Variants in TLL2 observed in about 807,000 individuals in gnomAD.
TLL2 encodes the protein tolloid like 2.
Under a neutral mutation model 123.0 loss-of-function variants are expected in TLL2, and 106 were observed. That is an observed-to-expected ratio of 0.86 (90% CI 0.74 to 1.01). TLL2 has a LOEUF of 1.01. TLL2 is among the 50% of genes least tolerant of loss of function. The pLI is 0.00. For missense variants in TLL2, 1,332 were observed against 1,336.7 expected (o/e 1.00, Z 0.06); for synonymous variants, 494 against 516.8 (o/e 0.96, Z 0.60).
rs142361931 is a variant in TLL2 at position 96,384,611 on chromosome 10, C to T, written c.2170G>A (p.Gly724Ser). ...FKSDNTVSKR[G>S]FRAHFFSDKD... ...CCTGAGAAGAAGTGGGCCCTGAAGCCGCGCTTGGAGACGGTGTTGTCGGAC... is the reference window on the plus strand; with the variant it reads ...CCTGAGAAGAAGTGGGCCCTGAAGCTGCGCTTGGAGACGGTGTTGTCGGAC... Residue 724 changes from glycine (G) to serine (S), a missense_variant, in exon 16 of 21, where the codon GGC becomes AGC. Physicochemically the swap from Gly to Ser is moderately conservative, Grantham distance 56 (BLOSUM62 0). Transcript: ENST00000357947. 5.0e-6 allele frequency: 8 copies of T among 1,600,432 alleles called. No homozygotes were observed. The highest frequency in any genetic ancestry group is 2.7e-5 in the African/African-American group (2 of 74,580).
At chr10:96,384,816 C>G (rs1846218075) in intron 15 of TLL2, 49 bp from the exon 16 acceptor site, 3 of 1,518,388 alleles carry the variant, frequency 2.0e-6, no homozygotes, top group Non-Finnish European at 8.9e-7. Context: ...GTCCCCACCC[C>G]AGACCCCCAG....
At chr10:96,499,638 C>T (rs377710407) in intron 1 of TLL2, among the ~76,000 whole-genome samples, 2 of 152,098 alleles carry the variant, frequency 1.3e-5, no homozygotes, top group Non-Finnish European at 2.9e-5. Context: ...AATGAGCCCT[C>T]TGCTTTTTAA....
intron 5 of TLL2, 62 bp from the exon 6 acceptor site, chr10:96,422,789 TC>T (rs1253371668): frequency 1.3e-6 from 2 of 1,582,776 alleles, no homozygotes; most frequent in African/African-American, 1.3e-5. Flanking sequence ...AAGAGGCAAG[TC>T]CCCCCTCCCA....
chr10:96,365,528 C>T lies in TLL2; in HGVS notation c.*2560G>A, dbSNP rs191152708. ...AACTATTCTTGCAACTCACTGTCAT[C>T]CCCAAAGCTTGGTACCCAATTAAAG... On this transcript the variant is annotated 3_prime_UTR_variant, in exon 21 of 21. Transcript: ENST00000357947. 1 of 152,378 alleles carries T rather than the reference C, an allele frequency of 6.6e-6. No individual in the cohort carries two copies. The highest frequency in any genetic ancestry group is 1.9e-4 in the East Asian group (1 of 5,194). The allele number at this position is 152,378 out of a possible 1,614,324, so 9.4% of individuals were successfully genotyped here. A position where few individuals can be genotyped will look rare whatever the true frequency, so the allele number is the denominator to read the frequency against.
chr10:96,444,960 C>A (rs968998787), intron 3 of TLL2, among the ~76,000 whole-genome samples: 1 of 152,152 alleles, frequency 6.6e-6, no homozygotes, highest in African/African-American at 2.4e-5. Flanking sequence ...GAGGCCGAGG[C>A]GGGCAGATCA....
At chr10:96,435,706 T>C (rs568699348) in intron 3 of TLL2, among the ~76,000 whole-genome samples, 14 of 152,348 alleles carry the variant, frequency 9.2e-5, no homozygotes, top group African/African-American at 3.4e-4. Context: ...GGACCATTTG[T>C]AGAAAAGACT....
intron 2 of TLL2, among the ~76,000 whole-genome samples, chr10:96,450,158 C>CCTGGATGGATGG (rs59373048): frequency 4.0e-5 from 6 of 150,782 alleles, no homozygotes; most frequent in Admixed American, 3.3e-4. Flanking sequence ...TGAATGAATG[C>CCTGGATGGATGG]ATGGATGGAT....
At chr10:96,404,418 T>C (rs1035443908) in intron 10 of TLL2, among the ~76,000 whole-genome samples, 14 of 152,198 alleles carry the variant, frequency 9.2e-5, no homozygotes, top group African/African-American at 3.4e-4. Context: ...AAAATATAGC[T>C]AAACCAAGAA....
In TLL2 at chr10:96,368,023, ATTG is replaced by A. The variant is rs539367983; in HGVS notation, c.*62_*64del. On this transcript the variant is annotated 3_prime_UTR_variant, in exon 21 of 21. Transcript: ENST00000357947. ...TTTTAGGGCAGATTTTCAAGGTGCT[ATTG>A]TTGTTAAAAACAAAACAAAACAAAA... The A allele has an allele frequency of 2.5e-6, 4 of 1,596,674 alleles. No homozygotes were observed. The highest frequency in any genetic ancestry group is 2.2e-5 in the South Asian group (2 of 88,970).
At chr10:96,397,131 G>A in intron 11 of TLL2, 55 bp downstream of exon 11, 3 of 1,497,742 alleles carry the variant, frequency 2.0e-6, no homozygotes, top group Non-Finnish European at 2.8e-6. Flanking sequence ...GGGCTGCCTG[G>A]GAAGGACAGA....
At chr10:96,506,549 C>T (rs925668498) in intron 1 of TLL2, among the ~76,000 whole-genome samples, 5 of 151,286 alleles carry the variant, frequency 3.3e-5, no homozygotes, top group Admixed American at 2.6e-4. Flanking sequence ...GCCTCTTCTG[C>T]TGAGCAGGCT....
At chr10:96,382,313 G>A (rs1413255687) in intron 16 of TLL2, among the ~76,000 whole-genome samples, 2 of 152,234 alleles carry the variant, frequency 1.3e-5, no homozygotes, top group African/African-American at 4.8e-5. Context: ...ACAGGCATGA[G>A]CCACCATGCC....
chr10:96,412,186 A>G (rs2134070966), intron 8 of TLL2, among the ~76,000 whole-genome samples: 1 of 152,248 alleles, frequency 6.6e-6, no homozygotes, highest in Non-Finnish European at 1.5e-5. Flanking sequence ...AGCTGGACGG[A>G]CATATTTTCT....
In TLL2 at chr10:96,379,111, T is replaced by G. The variant is rs201742963; in HGVS notation, c.2195-19A>C. On this transcript the variant is annotated intron_variant, in intron 16 of 20. Transcript: ENST00000357947. Reference sequence around the variant, plus strand: ...TCCTTATCTGGGGAGATCAATGAACTCTTCTAAGAGGAACCGCCAACTTGC... The same window carrying G: ...TCCTTATCTGGGGAGATCAATGAACGCTTCTAAGAGGAACCGCCAACTTGC... The G allele has an allele frequency of 6.2e-6, 10 of 1,610,834 alleles. No homozygotes were observed. The African/African-American group carries it at 1.1e-4, about 17-fold the overall frequency.
chr10:96,489,931 A>T (rs1381878921), intron 1 of TLL2, among the ~76,000 whole-genome samples: 1 of 152,024 alleles, frequency 6.6e-6, no homozygotes, highest in African/African-American at 2.4e-5. Flanking sequence ...ACCTGTCTCT[A>T]CTAAAAATAC....
At chr10:96,424,333 C>T (rs968060989) in intron 5 of TLL2, among the ~76,000 whole-genome samples, 1 of 152,076 alleles carries the variant, frequency 6.6e-6, no homozygotes, top group African/African-American at 2.4e-5. Context: ...GTTTGTAAGA[C>T]AAAGGATAAA....
intron 2 of TLL2, among the ~76,000 whole-genome samples, chr10:96,455,109 G>A (rs1846999148): frequency 6.6e-6 from 1 of 152,158 alleles, no homozygotes; most frequent in Middle Eastern, 3.2e-3. Flanking sequence ...AGGCATGGTG[G>A]CGGGTGCCTA....
At chr10:96,510,243 T>C (rs1847615951) in intron 1 of TLL2, among the ~76,000 whole-genome samples, 1 of 152,160 alleles carries the variant, frequency 6.6e-6, no homozygotes, top group African/African-American at 2.4e-5. Context: ...GAATGCCTTG[T>C]GATTTACTGC....
At chr10:96,441,971 T>G (rs1030197796) in intron 3 of TLL2, among the ~76,000 whole-genome samples, 8 of 152,190 alleles carry the variant, frequency 5.3e-5, no homozygotes, top group African/African-American at 1.9e-4. Flanking sequence ...TTACTGAAAG[T>G]GAAAGGTCCA....
Sources: gnomAD v4.1 joint callset for allele counts (sites outside exome capture counted in the v4.1 genomes callset) on GRCh38, gnomAD v4.1.1 for gene constraint, MANE v1.5 for transcripts, NCBI Gene and HGNC (gene_info 2026-07-23, HGNC 2026-07-21) for gene names.